The following FAM204A variants were observed in gnomAD, a reference collection of about 807,000 sequenced individuals.
FAM204A encodes family with sequence similarity 204 member A, also known as protein FAM204A.
Under a neutral mutation model 35.4 loss-of-function variants are expected in FAM204A, and 16 were observed. That is an observed-to-expected ratio of 0.45 (90% confidence interval 0.31 to 0.69). The LOEUF is 0.69. Ranked by LOEUF, FAM204A falls within the 30% of genes least tolerant of loss-of-function variation. The pLI, the probability that FAM204A is intolerant of heterozygous loss-of-function variation, is 0.07. For synonymous variants in FAM204A, 76 were observed against 86.9 expected (o/e 0.88, Z 0.70); for missense variants, 240 against 265.7 (o/e 0.90, Z 0.67).
intron 7 of FAM204A, among the ~76,000 whole-genome samples, chr10:118,320,527 T>C (rs1472354970): frequency 6.6e-6 from 1 of 151,784 alleles, no homozygotes; most frequent in Non-Finnish European, 1.5e-5. Flanking sequence ...ACAAATACAC[T>C]CAAATACTTG....
chr10:118,331,079 C>T (rs553980162), intron 6 of FAM204A, among the ~76,000 whole-genome samples: 5 of 152,288 alleles, frequency 3.3e-5, no homozygotes, highest in African/African-American at 7.2e-5. Context: ...AAAGAGAAGG[C>T]TTATCTCTAT....
chr10:118,319,399 A>ACTAC (rs1846078219), intron 7 of FAM204A, among the ~76,000 whole-genome samples: 1 of 151,940 alleles, frequency 6.6e-6, no homozygotes, highest in African/African-American at 2.4e-5. Context: ...CTTCAACATT[A>ACTAC]TTAACTTTAC....
intron 7 of FAM204A, among the ~76,000 whole-genome samples, chr10:118,324,846 C>T (rs535959864): frequency 1.3e-5 from 2 of 152,226 alleles, no homozygotes; most frequent in South Asian, 2.1e-4. Flanking sequence ...ATGTTATGTA[C>T]ATTTTACAAT....
chr10:118,336,962 C>T (rs991150188), intron 2 of FAM204A, among the ~76,000 whole-genome samples: 1 of 152,012 alleles, frequency 6.6e-6, no homozygotes, highest in African/African-American at 2.4e-5. Context: ...AGGAAGGTAT[C>T]GTAGTAAAAA....
At chr10:118,333,895 T>C (rs906931236) in intron 6 of FAM204A, among the ~76,000 whole-genome samples, 1 of 152,170 alleles carries the variant, frequency 6.6e-6, no homozygotes, top group Non-Finnish European at 1.5e-5. Context: ...GAAATACAGA[T>C]GGATCAGAAA....
chr10:118,337,051 T>C (rs775544635), intron 2 of FAM204A, among the ~76,000 whole-genome samples: 1 of 152,202 alleles, frequency 6.6e-6, no homozygotes, highest in Non-Finnish European at 1.5e-5. Flanking sequence ...TTAACAAAAA[T>C]GTACAGCTTT....
intron 7 of FAM204A, among the ~76,000 whole-genome samples, chr10:118,315,868 G>T (rs1377555463): frequency 6.6e-6 from 1 of 152,156 alleles, no homozygotes; most frequent in Non-Finnish European, 1.5e-5. Flanking sequence ...GCCAGCGGCA[G>T]CTTATTTCAT....
chr10:118,323,196 T>C (rs1846145866), intron 7 of FAM204A, among the ~76,000 whole-genome samples: 1 of 152,030 alleles, frequency 6.6e-6, no homozygotes, highest in Non-Finnish European at 1.5e-5. Context: ...AGTCCTGTGA[T>C]CCTAAAGAGA....
chr10:118,318,056 T>G (rs539835144), intron 7 of FAM204A, among the ~76,000 whole-genome samples: 1 of 152,106 alleles, frequency 6.6e-6, no homozygotes, highest in East Asian at 1.9e-4. Flanking sequence ...TGTCCTATAT[T>G]CTTTCTCATT....
chr10:118,327,590 C>T (rs144483164), intron 6 of FAM204A, among the ~76,000 whole-genome samples: 1 of 152,302 alleles, frequency 6.6e-6, no homozygotes, highest in East Asian at 1.9e-4. Flanking sequence ...TCTTCCATTT[C>T]TGCAGAACTC....
At chr10:118,315,743 T>C (rs1425306057) in intron 7 of FAM204A, among the ~76,000 whole-genome samples, 10 of 152,090 alleles carry the variant, frequency 6.6e-5, no homozygotes, top group Non-Finnish European at 7.4e-5. Flanking sequence ...ACCCCTCCAA[T>C]GTCTGATTAA....
intron 3 of FAM204A, 65 bp downstream of exon 3, chr10:118,336,117 C>CAG (rs1171047150): frequency 6.4e-7 from 1 of 1,557,406 alleles, no homozygotes; most frequent in East Asian, 2.2e-5. Context: ...CTGACCAGGG[C>CAG]AGAGACACAC....
intron 6 of FAM204A, among the ~76,000 whole-genome samples, chr10:118,331,003 TAGTC>T (rs1401893257): frequency 6.6e-6 from 1 of 152,218 alleles, no homozygotes; most frequent in Non-Finnish European, 1.5e-5. Flanking sequence ...TAGAATATAG[TAGTC>T]ATTCAATAAA....
chr10:118,326,040 G>C, intron 7 of FAM204A, 114 bp downstream of exon 7: 1 of 740,072 alleles, frequency 1.4e-6, no homozygotes, highest in Non-Finnish European at 2.2e-6. Context: ...TGGACAAAAA[G>C]GAAAACCTCA....
In FAM204A at chr10:118,302,667, C is replaced by T. The variant is rs374123091; in HGVS notation, c.*8190G>A. 6.6e-6 allele frequency: 1 copy of T among 152,168 alleles called. No individual in the cohort carries two copies. Among genetic ancestry groups the T allele is most frequent in the Admixed American group, 6.5e-5 (1 of 15,272 alleles). 9.4% of individuals were successfully genotyped at this position (152,168 alleles called of 1,614,324 possible). On this transcript the variant is annotated 3_prime_UTR_variant, in exon 9 of 9. Transcript: ENST00000369183. ...AGGATTCCAATTGAGTTCTTTGACA[C>T]GGAACCTTTCTTTTCCTTTTTTGGA...
rs1035200109 is a variant in FAM204A, at chr10:118,309,525, G to A, written c.*1332C>T. ...TGAACTGACAAAAACCATGCTGAGTGGTTCTTTACCTCCGCTGGGCACTGA... is the reference window on the plus strand; with the variant it reads ...TGAACTGACAAAAACCATGCTGAGTAGTTCTTTACCTCCGCTGGGCACTGA... On this transcript the variant is annotated 3_prime_UTR_variant, in exon 9 of 9. Transcript: ENST00000369183. The A allele has an allele frequency of 5.9e-5, 9 of 152,194 alleles. No individual in the cohort carries two copies. The highest frequency in any genetic ancestry group is 2.2e-4 in the African/African-American group (9 of 41,444). 9.4% of individuals were successfully genotyped at this position (152,194 alleles called of 1,614,324 possible).
intron 6 of FAM204A, among the ~76,000 whole-genome samples, chr10:118,332,173 G>GAAAAAA (rs59564428): frequency 3.3e-4 from 18 of 54,162 alleles, no homozygotes; most frequent in East Asian, 7.8e-4. Flanking sequence ...CTCTGTTTCA[G>GAAAAAA]AAAAAAAAAA....
At chr10:118,323,615 CCCA>C (rs1218742267) in intron 7 of FAM204A, among the ~76,000 whole-genome samples, 1 of 152,042 alleles carries the variant, frequency 6.6e-6, no homozygotes, top group Non-Finnish European at 1.5e-5. Flanking sequence ...ACTATACTCC[CCCA>C]TCCTTAGAGC....
intron 7 of FAM204A, among the ~76,000 whole-genome samples, chr10:118,321,100 T>C (rs1285375430): frequency 5.3e-5 from 8 of 151,912 alleles, no homozygotes. Flanking sequence ...GCAAAGGCTT[T>C]ATCAGCAGGT....
Sources: allele counts gnomAD v4.1 joint callset (sites outside exome capture counted in the v4.1 genomes callset), GRCh38; gene constraint gnomAD v4.1.1; transcripts MANE v1.5; gene names NCBI Gene and HGNC (gene_info 2026-07-23, HGNC 2026-07-21).